Variants in CTNS observed in about 807,000 individuals in gnomAD.
The protein encoded by CTNS is cystinosin.
In CTNS, 27 loss-of-function variants were observed where a neutral mutation model predicts 43.7. The observed-to-expected ratio is 0.62, with a 90% CI of 0.46 to 0.85. The LOEUF (loss-of-function observed/expected upper bound fraction) is 0.85, where lower values mean the gene tolerates loss of function less well. CTNS is among the 40% of genes least tolerant of loss of function. The probability of loss-of-function intolerance (pLI) is 0.00; values close to 1 mark genes in which losing one functional copy is unlikely to be tolerated. For synonymous variants in CTNS, 187 were observed against 190.6 expected, an observed-to-expected ratio of 0.98 and a Z score of 0.16; for missense variants, 457 against 475.4, an observed-to-expected ratio of 0.96 and a Z score of 0.36.
chr17:3,645,720 C>A (rs1241649088), intron 3 of CTNS, among the ~76,000 whole-genome samples: 2 of 151,914 alleles, frequency 1.3e-5, no homozygotes, highest in African/African-American at 4.8e-5. Context: ...ATTAGCCAGA[C>A]GTGGTGCTGC....
chr17:3,640,414 GT>G (rs1160256154), intron 3 of CTNS, 147 bp downstream of exon 3: 1 of 918,310 alleles, frequency 1.1e-6, no homozygotes, highest in Non-Finnish European at 1.8e-6. Context: ...CACTGGGGTG[GT>G]GGAGCAGACC....
Position 3,660,847 on chromosome 17 carries a change from C to T in CTNS, c.*478C>T, listed in dbSNP as rs1351840734. 6.6e-7 allele frequency: 1 copy of T among 1,520,906 alleles called. No individual in the cohort carries two copies. The highest frequency in any genetic ancestry group is 8.9e-7 in the Non-Finnish European group (1 of 1,121,818). The allele number at this position is 1,520,906 out of a possible 1,614,324, so 94.2% of individuals were successfully genotyped here. ...AGAGGTGCTGGTGGACGGGCTAGGA[C>T]TTTGGGGTTAGGCCATGGGGCTCTT... On this transcript the variant is annotated 3_prime_UTR_variant, in exon 12 of 12. Coordinates refer to ENST00000046640, the MANE Select transcript of CTNS (RefSeq NM_004937.3).
intron 4 of CTNS, 157 bp downstream of exon 4, chr17:3,647,679 G>T (rs1192791181): frequency 1.4e-6 from 1 of 722,448 alleles, no homozygotes; most frequent in Non-Finnish European, 2.4e-6. Flanking sequence ...CTAGCCCCGG[G>T]CTGCAGGATG....
At position 3,661,107 on chromosome 17, in the gene CTNS, T is replaced by G. The variant is rs224562; in HGVS notation, c.*738T>G. On this transcript the variant is annotated 3_prime_UTR_variant, in exon 12 of 12. Coordinates refer to ENST00000046640, the MANE Select transcript of CTNS (RefSeq NM_004937.3). ...CTCTCCTACCTCCACCTTCTCAGATTAGCCCCATCTGAGCACATCCAGCTG... is the reference window on the plus strand; with the variant it reads ...CTCTCCTACCTCCACCTTCTCAGATGAGCCCCATCTGAGCACATCCAGCTG... The G allele has an allele frequency of 1, 349,089 of 349,902 alleles. 174,147 individuals carry two copies. The highest frequency in any genetic ancestry group is 1 in the Middle Eastern group (996 of 996). 21.7% of individuals were successfully genotyped at this position (349,902 alleles called of 1,614,324 possible).
At position 3,648,910 on chromosome 17, in the gene CTNS, T is replaced by C; in HGVS notation, c.204T>C (p.Thr68=). The part of the protein sequence containing the change: ...FEITFRSKNI[T]ILELPDEVVV... The stretch of plus-strand genomic sequence containing the variant: ...TCACATTTCGTTCCAAAAATATTAC[T>C]ATCCTTGAGCTCCCCGATGAAGTAA... Residue 68 remains threonine (T), a synonymous_variant, in exon 5 of 12, where the codon ACT becomes ACC. Transcript: ENST00000046640. 1 of 1,613,344 alleles carries C rather than the reference T, an allele frequency of 6.2e-7. No individual in the cohort carries two copies. Among genetic ancestry groups the C allele is most frequent in the South Asian group, 1.1e-5 (1 of 91,076 alleles).
At chr17:3,642,824 A>G (rs1314840416) in intron 3 of CTNS, among the ~76,000 whole-genome samples, 1 of 152,136 alleles carries the variant, frequency 6.6e-6, no homozygotes, top group Non-Finnish European at 1.5e-5. Context: ...CACAGATGAG[A>G]TGATTGGCCT....
At chr17:3,650,158 T>A in intron 5 of CTNS, 2 of 1,549,910 alleles carry the variant, frequency 1.3e-6, no homozygotes, top group Non-Finnish European at 1.7e-6. Context: ...TATTTGTCAA[T>A]GATACCTTAA....
intron 7 of CTNS, chr17:3,655,884 C>G: frequency 4.1e-6 from 1 of 246,810 alleles, no homozygotes; most frequent in South Asian, 5.4e-5. Flanking sequence ...AGATCTTGGG[C>G]AGGGGAGGAA....
Position 3,660,631 on chromosome 17 carries a change from G to T in CTNS, c.*262G>T. 6.2e-7 allele frequency: 1 copy of T among 1,613,532 alleles called. No homozygotes were observed. Among genetic ancestry groups the T allele is most frequent in the Non-Finnish European group, 8.5e-7 (1 of 1,180,040 alleles). Reference sequence around the variant, plus strand: ...TTTTCTTTAAGGCTTCAGGCAGCGCGCACAGGCTCTGGCAGCCGTCTCAGG... The same window carrying T: ...TTTTCTTTAAGGCTTCAGGCAGCGCTCACAGGCTCTGGCAGCCGTCTCAGG... On this transcript the variant is annotated 3_prime_UTR_variant, in exon 12 of 12. Transcript: ENST00000046640.
At chr17:3,658,989 G>A (rs960276546) in intron 10 of CTNS, among the ~76,000 whole-genome samples, 4 of 152,180 alleles carry the variant, frequency 2.6e-5, no homozygotes, top group African/African-American at 9.7e-5. Flanking sequence ...TTCCGAGGAG[G>A]GGAAGGTTTG....
Position 3,660,663 on chromosome 17 carries a change from T to G in CTNS, c.*294T>G, listed in dbSNP as rs751761314. 3.1e-6 allele frequency: 5 copies of G among 1,613,638 alleles called. No individual in the cohort carries two copies. The South Asian group carries it at 5.5e-5, about 18-fold the overall frequency. ...CTCTGGCAGCCGTCTCAGGCAGGAC[T>G]GGGCACCAAGCTTGCAGCCGAAGGC... On this transcript the variant is annotated 3_prime_UTR_variant, in exon 12 of 12. Transcript: ENST00000046640.
chr17:3,649,130 C>T (rs1044240116), intron 5 of CTNS, among the ~76,000 whole-genome samples, 199 bp downstream of exon 5: 1 of 152,034 alleles, frequency 6.6e-6, no homozygotes, highest in Non-Finnish European at 1.5e-5. Context: ...TAGTGAGGAA[C>T]CTGAGGCAAA....
rs773646008 is a variant in CTNS at position 3,637,526 on chromosome 17, G to C, written c.-20+210G>C. ...CTGTCACCCAGGCTGGAGTGCAGTG[G>C]CGCGATCTCGGCTCACTGCAACCTC... is the stretch of plus-strand genomic sequence containing the variant. On this transcript the variant is annotated intron_variant, in intron 2 of 11. Transcript: ENST00000046640. Among the ~76,000 whole-genome samples the C allele has an allele frequency of 8.3e-4, 126 of 151,664 alleles. 1 individual carries two copies. The highest frequency in any genetic ancestry group is 8.8e-4 in the Non-Finnish European group (60 of 67,968).
At chr17:3,649,882 G>A (rs962829719) in intron 5 of CTNS, among the ~76,000 whole-genome samples, 1 of 152,170 alleles carries the variant, frequency 6.6e-6, no homozygotes, top group Non-Finnish European at 1.5e-5. Context: ...CATAACTTCT[G>A]GAGAGCTATT....
Position 3,659,974 on chromosome 17 carries a change from C to G in CTNS, c.969C>G (p.Asn323Lys), listed in dbSNP as rs121908128. The change falls in exon 11 of 12, where the codon AAC (asparagine) becomes AAG (lysine). Residue 323 changes from asparagine to lysine, a missense_variant and splice_region_variant. Physicochemically the swap from Asn to Lys is moderately conservative, Grantham distance 94. Coordinates refer to ENST00000046640, the MANE Select transcript of CTNS (RefSeq NM_004937.3). ...LLQMFLQSYN[N>K]DQWTLIFGDP... ...AGATGTTCCTCCAGTCCTACAACAA[C>G]GGTGAGTCAGCCAGCGGGCTGCTGG... 5 of 1,611,508 alleles carry G rather than the reference C, an allele frequency of 3.1e-6. No homozygotes were observed. The highest frequency in any genetic ancestry group is 4.5e-5 in the East Asian group (2 of 44,888).
chr17:3,643,565 C>CA (rs992478565), intron 3 of CTNS, among the ~76,000 whole-genome samples: 16 of 149,304 alleles, frequency 1.1e-4, no homozygotes, highest in South Asian at 4.3e-4. Context: ...CCCATCTCTA[C>CA]AAAAAAAAAT....
At position 3,659,810 on chromosome 17, in the gene CTNS, G is replaced by A. The variant is rs377449349; in HGVS notation, c.853-48G>A. 491 of 1,438,238 alleles carry A rather than the reference G, an allele frequency of 3.4e-4. 1 individual carries two copies. The highest frequency in any genetic ancestry group is 4.3e-4 in the Non-Finnish European group (441 of 1,020,852). 89.1% of individuals were successfully genotyped at this position (1,438,238 alleles called of 1,614,324 possible). A position where few individuals can be genotyped will look rare whatever the true frequency, so the allele number is the denominator to read the frequency against. On this transcript the variant is annotated intron_variant, in intron 10 of 11. Transcript: ENST00000046640. ...CAGTCACGAGGCGCATGAGGCAGCCGCCCAGCCCTCACCGCCCTCCGTCTG... is the reference window on the plus strand; with the variant it reads ...CAGTCACGAGGCGCATGAGGCAGCCACCCAGCCCTCACCGCCCTCCGTCTG...
At chr17:3,644,122 G>A (rs979487175) in intron 3 of CTNS, among the ~76,000 whole-genome samples, 1 of 152,210 alleles carries the variant, frequency 6.6e-6, no homozygotes, top group Non-Finnish European at 1.5e-5. Context: ...ATATCCTGCA[G>A]TTATCATGTG....
At position 3,656,750 on chromosome 17, in the gene CTNS, G is replaced by A. The variant is rs765259334; in HGVS notation, c.636G>A (p.Ala212=). Residue 212 remains alanine (A), a synonymous_variant, in exon 9 of 12, where the codon GCG becomes GCA. Transcript: ENST00000046640. ...ACGACGTCTTCTTCAGCCTGCACGC[G>A]GTTGTCCTCACGCTGATCATCATCG... is the stretch of plus-strand genomic sequence containing the variant. ...NSNDVFFSLH[A]VVLTLIIIVQ... The A allele has an allele frequency of 1.5e-5, 24 of 1,613,406 alleles. No individual in the cohort carries two copies. The highest frequency in any genetic ancestry group is 8.9e-5 in the East Asian group (4 of 44,798).
Sources: allele counts gnomAD v4.1 joint callset (sites outside exome capture counted in the v4.1 genomes callset), GRCh38; gene constraint gnomAD v4.1.1; transcripts MANE v1.5; gene names NCBI Gene and HGNC (gene_info 2026-07-23, HGNC 2026-07-21).